IQGAP2: variants seen among roughly 807,000 people sequenced by gnomAD.
The protein encoded by IQGAP2 is ras GTPase-activating-like protein IQGAP2.
IQGAP2 carries 173 observed loss-of-function variants against 201.3 expected under a neutral mutation model. That is an observed-to-expected ratio of 0.86 (90% CI 0.76 to 0.98). The LOEUF (loss-of-function observed/expected upper bound fraction) is 0.98, where lower values mean the gene tolerates loss of function less well. IQGAP2 is among the 50% of genes least tolerant of loss of function. The pLI, the probability that IQGAP2 is intolerant of heterozygous loss-of-function variation, is 0.00. For synonymous variants in IQGAP2, 675 were observed against 673.9 expected, an observed-to-expected ratio of 1.00 and a Z score of -0.03; for missense variants, 1,687 against 1,864.8, an observed-to-expected ratio of 0.90 and a Z score of 1.76.
chr5:76,433,170 C>G (rs765918994), intron 1 of IQGAP2, among the ~76,000 whole-genome samples: 1 of 152,164 alleles, frequency 6.6e-6, no homozygotes, highest in Non-Finnish European at 1.5e-5. Context: ...ATTTCTTTTG[C>G]TGTGCAGATG....
chr5:76,584,393 C>T (rs893737508), intron 5 of IQGAP2, among the ~76,000 whole-genome samples: 4 of 152,276 alleles, frequency 2.6e-5, no homozygotes, highest in Admixed American at 2.6e-4. Context: ...CAACCCCTAA[C>T]ATGAAGTAAA....
At chr5:76,618,461 ATT>A (rs1233786946) in intron 13 of IQGAP2, 1 of 1,614,006 alleles carries the variant, frequency 6.2e-7, no homozygotes, top group African/African-American at 1.3e-5. Flanking sequence ...CCATGGTAGC[ATT>A]TTTCACATGG....
At chr5:76,525,785 AAC>A (rs1758937672) in intron 2 of IQGAP2, among the ~76,000 whole-genome samples, 1 of 152,214 alleles carries the variant, frequency 6.6e-6, no homozygotes, top group African/African-American at 2.4e-5. Context: ...CTTTTTTACT[AAC>A]ACACAAAATA....
At chr5:76,648,137 G>A (rs1317036437) in intron 17 of IQGAP2, among the ~76,000 whole-genome samples, 1 of 152,088 alleles carries the variant, frequency 6.6e-6, no homozygotes, top group Non-Finnish European at 1.5e-5. Flanking sequence ...TACTCTCCCA[G>A]CCAGAGTGAT....
rs544671811 is a variant in IQGAP2 at position 76,622,625 on chromosome 5, T to C, written c.1522-4785T>C. ...GTTGAATAATAGTATTTGGGAGACC[T>C]TATTTTTAAAATTAAAAAATCATAT... On this transcript the variant is annotated intron_variant, in intron 13 of 35. Coordinates refer to ENST00000274364, the MANE Select transcript of IQGAP2 (RefSeq NM_006633.5). Among the ~76,000 whole-genome samples the C allele has an allele frequency of 2.0e-5, 3 of 152,324 alleles. No homozygotes were observed. The East Asian group carries it at 5.8e-4, about 29-fold the overall frequency.
intron 17 of IQGAP2, 132 bp from the exon 18 acceptor site, chr5:76,652,618 A>G (rs1291137631): frequency 5.5e-6 from 4 of 726,496 alleles, no homozygotes; most frequent in Middle Eastern, 2.3e-4. Flanking sequence ...GGGTGTCCAG[A>G]TGAGATCTGA....
At chr5:76,692,206 C>A (rs929923270) in intron 30 of IQGAP2, among the ~76,000 whole-genome samples, 1 of 152,222 alleles carries the variant, frequency 6.6e-6, no homozygotes, top group African/African-American at 2.4e-5. Flanking sequence ...GGCTGGAGTG[C>A]AGTGGCACGA....
intron 2 of IQGAP2, among the ~76,000 whole-genome samples, chr5:76,517,510 G>A (rs1410404307): frequency 6.6e-6 from 1 of 151,540 alleles, no homozygotes; most frequent in African/African-American, 2.4e-5. Context: ...TTACTCATGA[G>A]TCTGAGTTGG....
intron 13 of IQGAP2, chr5:76,618,016 G>A (rs1269680593): frequency 1.2e-6 from 2 of 1,614,188 alleles, no homozygotes; most frequent in Admixed American, 1.7e-5. Flanking sequence ...TCCTGCTTCA[G>A]TATGAAAAAT....
intron 5 of IQGAP2, among the ~76,000 whole-genome samples, chr5:76,580,957 A>G (rs1051057424): frequency 2.0e-5 from 3 of 152,226 alleles, no homozygotes; most frequent in African/African-American, 2.4e-5. Context: ...AGATTCTTCT[A>G]CATGGGCAGC....
chr5:76,668,917 A>C, intron 23 of IQGAP2, 73 bp downstream of exon 23: 1 of 920,552 alleles, frequency 1.1e-6, no homozygotes, highest in East Asian at 2.7e-5. Context: ...TCTTTGATTT[A>C]CTAAAATTAT....
intron 2 of IQGAP2, among the ~76,000 whole-genome samples, chr5:76,505,272 T>C (rs766442044): frequency 3.9e-5 from 6 of 152,232 alleles, no homozygotes; most frequent in Non-Finnish European, 7.3e-5. Context: ...TGTCAGGCAC[T>C]GTGCCAAGCA....
chr5:76,550,245 C>G (rs1047984005), intron 2 of IQGAP2, among the ~76,000 whole-genome samples: 30 of 151,790 alleles, frequency 2.0e-4, no homozygotes, highest in Middle Eastern at 3.2e-3. Context: ...GGGTCCAAAG[C>G]AAGTCCAAAA....
chr5:76,417,603 G>C (rs1308036212), intron 1 of IQGAP2, among the ~76,000 whole-genome samples: 1 of 150,338 alleles, frequency 6.7e-6, no homozygotes, highest in Non-Finnish European at 1.5e-5. Flanking sequence ...TATTTTTTGA[G>C]ACAGGGTCTG....
At chr5:76,543,061 G>A (rs576679396) in intron 2 of IQGAP2, among the ~76,000 whole-genome samples, 12 of 152,270 alleles carry the variant, frequency 7.9e-5, no homozygotes, top group South Asian at 2.1e-4. Flanking sequence ...ATAATTGGCC[G>A]CTTCAGATCC....
chr5:76,632,082 G>T, intron 15 of IQGAP2, 56 bp downstream of exon 15: 4 of 1,356,860 alleles, frequency 2.9e-6, no homozygotes, highest in South Asian at 1.5e-5. Flanking sequence ...CATTTCTGTG[G>T]TATTATATTT....
At chr5:76,532,343 T>C (rs925326316) in intron 2 of IQGAP2, among the ~76,000 whole-genome samples, 1 of 152,112 alleles carries the variant, frequency 6.6e-6, no homozygotes, top group Non-Finnish European at 1.5e-5. Flanking sequence ...CTTATCATTA[T>C]AAGATGAAAA....
chr5:76,584,631 G>A (rs1384385565), intron 5 of IQGAP2, among the ~76,000 whole-genome samples: 1 of 151,864 alleles, frequency 6.6e-6, no homozygotes, highest in Non-Finnish European at 1.5e-5. Context: ...ATAGCATGCC[G>A]GTACCCAAGA....
At chr5:76,406,276 C>T (rs922991055) in intron 1 of IQGAP2, among the ~76,000 whole-genome samples, 3 of 152,208 alleles carry the variant, frequency 2.0e-5, no homozygotes, top group African/African-American at 4.8e-5. Flanking sequence ...TTGCTGAAGT[C>T]GCCCTGATTT....
Sources: allele counts gnomAD v4.1 joint callset (sites outside exome capture counted in the v4.1 genomes callset), GRCh38; gene constraint gnomAD v4.1.1; transcripts MANE v1.5; gene names NCBI Gene and HGNC (gene_info 2026-07-23, HGNC 2026-07-21).